The following GRM5 variants were observed in gnomAD, a reference collection of about 807,000 sequenced individuals.
GRM5 encodes metabotropic glutamate receptor 5.
GRM5 carries 19 observed loss-of-function variants against 83.1 expected under a neutral mutation model. That is an observed-to-expected ratio of 0.23 (90% CI 0.16 to 0.34). GRM5 has a LOEUF of 0.34. Ranked by LOEUF, GRM5 falls within the 10% of genes least tolerant of loss-of-function variation. The probability of loss-of-function intolerance (pLI) is 1.00; values close to 1 mark genes in which losing one functional copy is unlikely to be tolerated. For missense variants in GRM5, 1,160 were observed against 1,588.3 expected (o/e 0.73, Z 4.58); for synonymous variants, 675 against 633.6 (o/e 1.07, Z -0.98).
chr11:88,582,424 TAAAA>T (rs140431659), intron 7 of GRM5, among the ~76,000 whole-genome samples: 1 of 151,966 alleles, frequency 6.6e-6, no homozygotes, highest in Non-Finnish European at 1.5e-5. Flanking sequence ...AGCACAGTGT[TAAAA>T]AAAGAGTAGG....
intron 8 of GRM5, among the ~76,000 whole-genome samples, chr11:88,556,925 G>T (rs1013614171): frequency 6.6e-6 from 1 of 152,020 alleles, no homozygotes; most frequent in Admixed American, 6.6e-5. Flanking sequence ...TTGCATTTAG[G>T]GTTATTTCTC....
At chr11:88,622,553 C>T (rs961200979) in intron 4 of GRM5, among the ~76,000 whole-genome samples, 13 of 152,176 alleles carry the variant, frequency 8.5e-5, no homozygotes, top group African/African-American at 1.2e-4. Context: ...TGGGATCACC[C>T]AGCTCAGCAC....
chr11:88,673,302 G>T (rs1201978181), intron 3 of GRM5, among the ~76,000 whole-genome samples: 1 of 151,848 alleles, frequency 6.6e-6, no homozygotes, highest in African/African-American at 2.4e-5. Context: ...AGGGTTTTGT[G>T]ACTAATATTC....
intron 3 of GRM5, among the ~76,000 whole-genome samples, chr11:88,794,873 A>T (rs538460947): frequency 6.6e-6 from 1 of 152,236 alleles, no homozygotes; most frequent in African/African-American, 2.4e-5. Context: ...AATGTTCTTC[A>T]TGAGACCAGT....
chr11:88,886,431 CG>C (rs1467734620), intron 2 of GRM5, among the ~76,000 whole-genome samples: 2 of 152,256 alleles, frequency 1.3e-5, no homozygotes, highest in South Asian at 4.1e-4. Flanking sequence ...AAACCAAATA[CG>C]GGGCCCCTTT....
At chr11:88,934,687 A>T (rs1464481805) in intron 2 of GRM5, among the ~76,000 whole-genome samples, 1 of 151,858 alleles carries the variant, frequency 6.6e-6, no homozygotes, top group Non-Finnish European at 1.5e-5. Flanking sequence ...TTGTATTCAA[A>T]CCTTATTTGA....
intron 3 of GRM5, among the ~76,000 whole-genome samples, chr11:88,726,038 T>C (rs1941672133): frequency 2.0e-5 from 3 of 152,086 alleles, no homozygotes; most frequent in Admixed American, 2.0e-4. Context: ...GAGAATGAGT[T>C]TGATGAACTG....
intron 1 of GRM5, among the ~76,000 whole-genome samples, chr11:89,060,048 T>C (rs573072076): frequency 1.2e-4 from 18 of 152,080 alleles, no homozygotes; most frequent in Non-Finnish European, 2.4e-4. Flanking sequence ...CCCAGGCAAT[T>C]TGAAGCCAGA....
At chr11:88,871,230 C>G (rs918933034) in intron 2 of GRM5, among the ~76,000 whole-genome samples, 2 of 151,564 alleles carry the variant, frequency 1.3e-5, no homozygotes, top group African/African-American at 2.4e-5. Flanking sequence ...GAAGAAACTA[C>G]AGCAGAGAGA....
chr11:88,609,409 G>C (rs976534282), intron 4 of GRM5, among the ~76,000 whole-genome samples: 4 of 152,104 alleles, frequency 2.6e-5, no homozygotes, highest in Non-Finnish European at 5.9e-5. Flanking sequence ...TCTTTAACCA[G>C]TCCACCACTG....
intron 3 of GRM5, among the ~76,000 whole-genome samples, chr11:88,708,219 C>T (rs953035378): frequency 3.9e-5 from 6 of 151,992 alleles, no homozygotes; most frequent in Admixed American, 2.0e-4. Flanking sequence ...GTCCCAGGTT[C>T]GCTCCCCTTT....
chr11:88,862,926 A>G (rs1944590962), intron 2 of GRM5, among the ~76,000 whole-genome samples: 1 of 152,206 alleles, frequency 6.6e-6, no homozygotes, highest in Non-Finnish European at 1.5e-5. Flanking sequence ...CAAGAAAAAA[A>G]CAACCCTATT....
chr11:88,907,567 G>A (rs1945427364), intron 2 of GRM5, among the ~76,000 whole-genome samples: 1 of 152,142 alleles, frequency 6.6e-6, no homozygotes, highest in Non-Finnish European at 1.5e-5. Flanking sequence ...TTTCTCTGCA[G>A]CAGTATTTAC....
At chr11:88,817,438 C>T (rs928964925) in intron 3 of GRM5, among the ~76,000 whole-genome samples, 3 of 151,904 alleles carry the variant, frequency 2.0e-5, no homozygotes, top group Non-Finnish European at 2.9e-5. Flanking sequence ...ATTCCCAAAC[C>T]CTGAAAAATT....
At chr11:88,974,051 T>A (rs1427543877) in intron 2 of GRM5, among the ~76,000 whole-genome samples, 1 of 152,170 alleles carries the variant, frequency 6.6e-6, no homozygotes, top group African/African-American at 2.4e-5. Flanking sequence ...ATCCTAAAGC[T>A]ATTTATTTCC....
At chr11:89,009,891 A>C in intron 2 of GRM5, among the ~76,000 whole-genome samples, 1 of 99,940 alleles carries the variant, frequency 1.0e-5, no homozygotes, top group African/African-American at 4.0e-5. Flanking sequence ...ACAGAGCGAG[A>C]CTCCGTCTCA....
chr11:88,961,244 G>A (rs1480299399), intron 2 of GRM5, among the ~76,000 whole-genome samples: 1 of 152,178 alleles, frequency 6.6e-6, no homozygotes, highest in African/African-American at 2.4e-5. Flanking sequence ...ATTGTTCTTA[G>A]CATCTAGACA....
At position 88,525,350 on chromosome 11, in the gene GRM5, G is replaced by A. The variant is rs1257865920; in HGVS notation, c.2685C>T (p.Pro895=). The change falls in exon 9 of 10, where the codon CCC becomes CCT. Residue 895 remains proline, a synonymous_variant. Coordinates refer to ENST00000305447, the MANE Select transcript of GRM5 (RefSeq NM_001143831.3). ...QHKSEIECFT[P]KGSMGNGGRA... ...TCCCACCATTCCCCATACTCCCTTT[G>A]GGGGTGAAACACTCTATTTCCGACT... The A allele has an allele frequency of 6.2e-7, 1 of 1,611,976 alleles. No individual in the cohort carries two copies. The highest frequency in any genetic ancestry group is 1.7e-5 in the Admixed American group (1 of 59,988).
At chr11:88,981,031 T>TA (rs1169648524) in intron 2 of GRM5, among the ~76,000 whole-genome samples, 1 of 152,096 alleles carries the variant, frequency 6.6e-6, no homozygotes, top group Middle Eastern at 3.2e-3. Context: ...ATGAGTTTTT[T>TA]AAAAAAATCT....
Sources: gnomAD v4.1 joint callset for allele counts (sites outside exome capture counted in the v4.1 genomes callset) on GRCh38, gnomAD v4.1.1 for gene constraint, MANE v1.5 for transcripts, NCBI Gene and HGNC (gene_info 2026-07-23, HGNC 2026-07-21) for gene names.